Variants in FAF1 observed in about 807,000 individuals in gnomAD.
FAF1 encodes FAS-associated factor 1.
Under a neutral mutation model 92.5 loss-of-function variants are expected in FAF1, and 25 were observed. The observed-to-expected ratio is 0.27, with a 90% CI of 0.20 to 0.38. The LOEUF is 0.38. Ranked by LOEUF, FAF1 falls within the 10% of genes least tolerant of loss-of-function variation. The pLI is 1.00. For missense variants in FAF1, 636 were observed against 793.3 expected (o/e 0.80, Z 2.38); for synonymous variants, 234 against 273.2 (o/e 0.86, Z 1.42).
chr1:50,782,934 CAT>C (rs1436683580), intron 4 of FAF1, among the ~76,000 whole-genome samples: 1 of 151,658 alleles, frequency 6.6e-6, no homozygotes, highest in Admixed American at 6.6e-5. Flanking sequence ...CTTTTTATAC[CAT>C]ATTTTAATAT....
At chr1:50,596,925 C>T (rs1651848952) in intron 8 of FAF1, among the ~76,000 whole-genome samples, 1 of 152,112 alleles carries the variant, frequency 6.6e-6, no homozygotes, top group Non-Finnish European at 1.5e-5. Flanking sequence ...ATAAACCTGT[C>T]TTTAAAAGAT....
At chr1:50,642,223 AT>A (rs757356095) in intron 8 of FAF1, among the ~76,000 whole-genome samples, 120 of 151,036 alleles carry the variant, frequency 7.9e-4, no homozygotes, top group Non-Finnish European at 1.6e-3. Flanking sequence ...AAAAAAAAAA[AT>A]CCTTGTTCTG....
At chr1:50,816,144 A>C (rs1036644156) in intron 2 of FAF1, among the ~76,000 whole-genome samples, 1 of 142,544 alleles carries the variant, frequency 7.0e-6, no homozygotes, top group East Asian at 2.0e-4. Flanking sequence ...GTTGGCCATT[A>C]TACGTCTTAT....
chr1:50,587,897 C>T (rs1651314225), intron 9 of FAF1, among the ~76,000 whole-genome samples: 1 of 152,180 alleles, frequency 6.6e-6, no homozygotes, highest in Non-Finnish European at 1.5e-5. Flanking sequence ...ACATTTAGAA[C>T]TCATAACTGG....
chr1:50,644,582 C>T (rs775074578), intron 8 of FAF1, among the ~76,000 whole-genome samples: 1 of 152,202 alleles, frequency 6.6e-6, no homozygotes, highest in Non-Finnish European at 1.5e-5. Context: ...TCTGTCCCTT[C>T]AACTCAGCGA....
intron 15 of FAF1, among the ~76,000 whole-genome samples, chr1:50,529,206 T>C (rs1648004591): frequency 6.6e-6 from 1 of 152,212 alleles, no homozygotes; most frequent in East Asian, 1.9e-4. Context: ...TCATCATTAC[T>C]TTTATGTTTC....
chr1:50,685,955 G>C (rs1464394672), intron 7 of FAF1, among the ~76,000 whole-genome samples: 1 of 152,106 alleles, frequency 6.6e-6, no homozygotes, highest in Non-Finnish European at 1.5e-5. Context: ...TTTCCCCATT[G>C]AGAATATGCT....
chr1:50,770,820 A>G (rs905616417), intron 4 of FAF1, among the ~76,000 whole-genome samples: 3 of 152,202 alleles, frequency 2.0e-5, no homozygotes, highest in Non-Finnish European at 4.4e-5. Context: ...AAAGAACCTA[A>G]GCAGAAAGCT....
At chr1:50,703,874 T>C (rs1350705795) in intron 7 of FAF1, among the ~76,000 whole-genome samples, 2 of 152,168 alleles carry the variant, frequency 1.3e-5, no homozygotes, top group South Asian at 2.1e-4. Context: ...TCATTCTGCA[T>C]AGGATATCAG....
chr1:50,719,457 T>C (rs114294201), intron 6 of FAF1, among the ~76,000 whole-genome samples: 7 of 152,374 alleles, frequency 4.6e-5, no homozygotes, highest in Non-Finnish European at 7.3e-5. Flanking sequence ...AAACATTTGG[T>C]TTCACATAAT....
chr1:50,945,040 G>A (rs765128509), intron 1 of FAF1, among the ~76,000 whole-genome samples: 1 of 152,154 alleles, frequency 6.6e-6, no homozygotes, highest in Non-Finnish European at 1.5e-5. Context: ...ATCAGAAATC[G>A]TTGAGTCAAT....
chr1:50,820,342 G>C (rs563011043), intron 2 of FAF1, among the ~76,000 whole-genome samples: 1 of 152,138 alleles, frequency 6.6e-6, no homozygotes, highest in Admixed American at 6.5e-5. Flanking sequence ...AGGCTTAATG[G>C]GGTATAACTG....
At chr1:50,534,622 C>T (rs1271035930) in intron 15 of FAF1, among the ~76,000 whole-genome samples, 4 of 152,000 alleles carry the variant, frequency 2.6e-5, no homozygotes, top group Non-Finnish European at 2.9e-5. Context: ...AAAATGGTCA[C>T]CTTATTAAAC....
chr1:50,663,604 C>T (rs1457091795), intron 7 of FAF1, among the ~76,000 whole-genome samples: 3 of 151,356 alleles, frequency 2.0e-5, no homozygotes, highest in Non-Finnish European at 2.9e-5. Flanking sequence ...AGGGTTTCAC[C>T]GTATTGGCCA....
At chr1:50,608,133 G>A (rs548767290) in intron 8 of FAF1, among the ~76,000 whole-genome samples, 2 of 152,346 alleles carry the variant, frequency 1.3e-5, no homozygotes, top group African/African-American at 4.8e-5. Flanking sequence ...TGCAAATTAA[G>A]GGGTGGTTAT....
intron 7 of FAF1, among the ~76,000 whole-genome samples, chr1:50,695,372 C>T (rs1384868045): frequency 6.6e-6 from 1 of 150,910 alleles, no homozygotes; most frequent in Non-Finnish European, 1.5e-5. Context: ...TGCACCATTG[C>T]ACTAAAAAAA....
At chr1:50,526,939 C>A (rs965542697) in intron 15 of FAF1, among the ~76,000 whole-genome samples, 10 of 151,712 alleles carry the variant, frequency 6.6e-5, no homozygotes, top group African/African-American at 2.2e-4. Flanking sequence ...ACTGCAACGT[C>A]TGCCTCTCAG....
intron 4 of FAF1, among the ~76,000 whole-genome samples, chr1:50,759,957 G>GA (rs1660256102): frequency 6.6e-6 from 1 of 152,104 alleles, no homozygotes; most frequent in Non-Finnish European, 1.5e-5. Flanking sequence ...CTTCTTTTGA[G>GA]AAGTGTCTGT....
At chr1:50,605,766 A>ATG (rs1652351207) in intron 8 of FAF1, among the ~76,000 whole-genome samples, 1 of 152,208 alleles carries the variant, frequency 6.6e-6, no homozygotes, top group Admixed American at 6.5e-5. Context: ...GATCTGGAAT[A>ATG]TGTGCAGATT....
Sources: gnomAD v4.1 joint callset for allele counts (sites outside exome capture counted in the v4.1 genomes callset) on GRCh38, gnomAD v4.1.1 for gene constraint, MANE v1.5 for transcripts, NCBI Gene and HGNC (gene_info 2026-07-23, HGNC 2026-07-21) for gene names.